MEIOC: variants seen among roughly 807,000 people sequenced by gnomAD.
MEIOC encodes meiosis-specific coiled-coil domain-containing protein MEIOC.
Under a neutral mutation model 85.3 loss-of-function variants are expected in MEIOC, and 9 were observed. That is an observed-to-expected ratio of 0.11 (90% confidence interval 0.06 to 0.18). The LOEUF (loss-of-function observed/expected upper bound fraction) is 0.18, where lower values mean the gene tolerates loss of function less well. Among genes scored for constraint, MEIOC ranks in the 10% least tolerant of loss-of-function variants. The probability of loss-of-function intolerance (pLI) is 1.00; values close to 1 mark genes in which losing one functional copy is unlikely to be tolerated. For missense variants in MEIOC, 898 were observed against 1,129.4 expected, an observed-to-expected ratio of 0.80 and a Z score of 2.94; for synonymous variants, 365 against 393.7, an observed-to-expected ratio of 0.93 and a Z score of 0.86.
At position 44,656,610 on chromosome 17, in the gene MEIOC, C is replaced by A; in HGVS notation, c.-4C>A. 1.4e-6 allele frequency: 2 copies of A among 1,475,176 alleles called. No homozygotes were observed. The highest frequency in any genetic ancestry group is 1.3e-5 in the South Asian group (1 of 76,068). 91.4% of individuals were successfully genotyped at this position (1,475,176 alleles called of 1,614,324 possible). ...CTAGTCCAGGAGAGGCTGGGGGGCGCCCCATGGAGGTGAGACGCGGAGACA... is the reference window on the plus strand; with the variant it reads ...CTAGTCCAGGAGAGGCTGGGGGGCGACCCATGGAGGTGAGACGCGGAGACA... On this transcript the variant is annotated 5_prime_UTR_variant, in exon 1 of 8. Coordinates refer to ENST00000409122, the MANE Select transcript of MEIOC (RefSeq NM_001145080.3).
In MEIOC at chr17:44,674,001, T is replaced by G. The variant is rs1429607380; in HGVS notation, c.2664T>G (p.Ile888Met). 3 of 1,551,534 alleles carry G rather than the reference T, an allele frequency of 1.9e-6. No individual in the cohort carries two copies. The highest frequency in any genetic ancestry group is 2.6e-6 in the Non-Finnish European group (3 of 1,146,894). ...ATGTTTTTGCCCTTGCTTCTGCAAT[T>G]AAAGAGATGTGTGTGGCTACTCGGA... Reference protein sequence around the residue: ...DRDVFALASAIKEMCVATRKT... With the variant: ...DRDVFALASAMKEMCVATRKT... The change falls in exon 8 of 8, where the codon ATT becomes ATG. Residue 888 changes from isoleucine (I) to methionine (M), a missense_variant. This residue lies in a region of MEIOC where 164 missense variants were observed against 269.2 expected (regional missense o/e 0.61). Transcript: ENST00000409122.
chr17:44,665,180 G>T, intron 3 of MEIOC: 2 of 1,063,814 alleles, frequency 1.9e-6, no homozygotes, highest in Non-Finnish European at 2.3e-6. Flanking sequence ...TGAAATGAAG[G>T]AGAAATATTT....
Position 44,662,423 on chromosome 17 carries a change from G to A in MEIOC, c.311G>A (p.Gly104Glu). 1 of 1,548,598 alleles carries A rather than the reference G, an allele frequency of 6.5e-7. No homozygotes were observed. ...SLFCAPWSTY[G>E]DDIKQPSNSQ... ...TTCTGTGCACCATGGTCTACTTATG[G>A]AGATGACATTAAACAACCTTCTAAT... Residue 104 changes from glycine (G) to glutamate (E), a missense_variant, in exon 3 of 8, where the codon GGA becomes GAA. This residue lies in a region of MEIOC where 734 missense variants were observed against 860.1 expected (regional missense o/e 0.85). Transcript: ENST00000409122.
At position 44,675,610 on chromosome 17, in the gene MEIOC, T is replaced by C; in HGVS notation, c.*1414T>C. On this transcript the variant is annotated 3_prime_UTR_variant, in exon 8 of 8. Coordinates refer to ENST00000409122, the MANE Select transcript of MEIOC (RefSeq NM_001145080.3). ...GCAAGAGTAACTGTAGGGAGAAACA[T>C]TTTGATCACTGATATGCCTTAGAAC... The C allele has an allele frequency of 2.0e-6, 2 of 984,566 alleles. No homozygotes were observed. Among genetic ancestry groups the C allele is most frequent in the Non-Finnish European group, 1.2e-6 (1 of 829,212 alleles). 61.0% of individuals were successfully genotyped at this position (984,566 alleles called of 1,614,324 possible).
chr17:44,663,122 A>C (rs1971861385), intron 3 of MEIOC, among the ~76,000 whole-genome samples: 1 of 152,226 alleles, frequency 6.6e-6, no homozygotes, highest in Admixed American at 6.5e-5. Context: ...ACTCTACAAC[A>C]AACAGGGTTT....
intron 2 of MEIOC, among the ~76,000 whole-genome samples, chr17:44,658,802 AAAAAAAG>A (rs1294263830): frequency 2.7e-4 from 41 of 151,828 alleles, no homozygotes; most frequent in African/African-American, 6.0e-4. Context: ...CAAAAAAAAA[AAAAAAAG>A]AAAAAAGAAA....
Position 44,667,418 on chromosome 17 carries a change from C to T in MEIOC, c.1507C>T (p.His503Tyr). Residue 503 changes from histidine to tyrosine, a missense_variant, in exon 5 of 8, where the codon CAT (histidine) becomes TAT (tyrosine). By Grantham distance (83) the His-to-Tyr change is moderately conservative. This residue lies in a region of MEIOC where 734 missense variants were observed against 860.1 expected (regional missense o/e 0.85). Coordinates refer to ENST00000409122, the MANE Select transcript of MEIOC (RefSeq NM_001145080.3). ...NQGNLMKLNS[H>Y]LSAASKGSNH... is the part of the protein sequence containing the mutation. The stretch of plus-strand genomic sequence containing the variant: ...AGGTAACTTGATGAAATTAAATAGT[C>T]ATTTAAGTGCAGCTTCAAAAGGTTC... 6.2e-7 allele frequency: 1 copy of T among 1,613,270 alleles called. No homozygotes were observed. Among genetic ancestry groups the T allele is most frequent in the Non-Finnish European group, 8.5e-7 (1 of 1,179,344 alleles).
chr17:44,664,248 G>C (rs1017623204), intron 3 of MEIOC, among the ~76,000 whole-genome samples: 2 of 152,100 alleles, frequency 1.3e-5, no homozygotes, highest in African/African-American at 2.4e-5. Context: ...TGTAGTCCCA[G>C]CTACTTGGGA....
chr17:44,673,330 G>A, intron 6 of MEIOC, 36 bp from the exon 7 acceptor site: 3 of 1,482,806 alleles, frequency 2.0e-6, no homozygotes, highest in Non-Finnish European at 2.7e-6. Context: ...TTAATGGCAG[G>A]ACATGTCTTA....
At chr17:44,659,141 A>G (rs576579835) in intron 2 of MEIOC, among the ~76,000 whole-genome samples, 2 of 152,296 alleles carry the variant, frequency 1.3e-5, no homozygotes, top group Non-Finnish European at 2.9e-5. Flanking sequence ...TTTAACCAGG[A>G]CATCAATGTT....
intron 2 of MEIOC, 78 bp downstream of exon 2, chr17:44,657,339 T>A: frequency 1.5e-6 from 2 of 1,374,118 alleles, no homozygotes; most frequent in Non-Finnish European, 2.0e-6. Flanking sequence ...CATAGGTGTT[T>A]AATGGCTCCA....
At chr17:44,673,859 C>CT (rs1972041833) in intron 7 of MEIOC, 117 bp from the exon 8 acceptor site, 17 of 1,257,954 alleles carry the variant, frequency 1.4e-5, no homozygotes, top group Middle Eastern at 1.9e-4. Context: ...AATAACTATC[C>CT]TTTTTTTACA....
chr17:44,656,474 G>A lies in MEIOC; in HGVS notation c.-140G>A. On this transcript the variant is annotated 5_prime_UTR_variant, in exon 1 of 8. Transcript: ENST00000409122. ...TCGGACTTCCCTTACCCGCACACTG[G>A]CTCCAGGCAGCGCCCGGGCGGCGGA... 1 of 621,560 alleles carries A rather than the reference G, an allele frequency of 1.6e-6. No individual in the cohort carries two copies. Among genetic ancestry groups the A allele is most frequent in the Non-Finnish European group, 2.5e-6 (1 of 396,402 alleles). 38.5% of individuals were successfully genotyped at this position (621,560 alleles called of 1,614,324 possible). A position where few individuals can be genotyped will look rare whatever the true frequency, so the allele number is the denominator to read the frequency against.
At chr17:44,668,609 ATG>A (rs1341805716) in intron 5 of MEIOC, among the ~76,000 whole-genome samples, 1 of 152,128 alleles carries the variant, frequency 6.6e-6, no homozygotes, top group Non-Finnish European at 1.5e-5. Flanking sequence ...GGCATTACAG[ATG>A]TGAGCCACTG....
Position 44,666,455 on chromosome 17 carries a change from A to G in MEIOC, c.544A>G (p.Thr182Ala). Residue 182 changes from threonine (T) to alanine (A), a missense_variant, in exon 5 of 8, where the codon ACC becomes GCC. Around this residue, in one of 2 missense-constraint regions of MEIOC, gnomAD observed 734 missense variants for 860.1 expected, o/e 0.85. Coordinates refer to ENST00000409122, the MANE Select transcript of MEIOC (RefSeq NM_001145080.3). Reference sequence around the variant, plus strand: ...AGATCACCATGACCTCTTAACAGAAACCAAAAGGCCAATAGATACAGTCAT... The same window carrying G: ...AGATCACCATGACCTCTTAACAGAAGCCAAAAGGCCAATAGATACAGTCAT... ...FADHHDLLTE[T>A]KRPIDTVISQ... The G allele has an allele frequency of 6.4e-7, 1 of 1,563,010 alleles. No individual in the cohort carries two copies.
At chr17:44,673,808 T>C (rs1050751053) in intron 7 of MEIOC, 168 bp from the exon 8 acceptor site, 5 of 832,350 alleles carry the variant, frequency 6.0e-6, no homozygotes, top group Admixed American at 2.9e-5. Flanking sequence ...ATCAATACTT[T>C]TAAATATTTT....
In MEIOC at chr17:44,667,765, T is replaced by A. The variant is rs752879033; in HGVS notation, c.1854T>A (p.Asp618Glu). Reference protein sequence around the residue: ...FQAKPQSGHYDPEEGPKHLDG... With the variant: ...FQAKPQSGHYEPEEGPKHLDG... Reference sequence around the variant, plus strand: ...CCAAGCCCCAGAGTGGACATTATGATCCTGAGGAAGGTCCAAAGCATTTAG... The same window carrying A: ...CCAAGCCCCAGAGTGGACATTATGAACCTGAGGAAGGTCCAAAGCATTTAG... The change falls in exon 5 of 8, where the codon GAT (aspartate) becomes GAA (glutamate). Residue 618 changes from aspartate (D) to glutamate (E), a missense_variant. This residue lies in a region of MEIOC where 734 missense variants were observed against 860.1 expected (regional missense o/e 0.85). Coordinates refer to ENST00000409122, the MANE Select transcript of MEIOC (RefSeq NM_001145080.3). 6.2e-7 allele frequency: 1 copy of A among 1,613,856 alleles called. No homozygotes were observed.
chr17:44,662,770 G>A (rs142618667), intron 3 of MEIOC, among the ~76,000 whole-genome samples: 168 of 152,304 alleles, frequency 1.1e-3, no homozygotes, highest in African/African-American at 3.8e-3. Context: ...TCCTGCCTCA[G>A]CCTCCACAGT....
chr17:44,658,562 AGGCGGGTGGATC>A (rs1050980978), intron 2 of MEIOC, among the ~76,000 whole-genome samples: 40 of 151,806 alleles, frequency 2.6e-4, no homozygotes, highest in African/African-American at 9.4e-4. Context: ...TGGGGGGCTG[AGGCGGGTGGATC>A]ACCTGAGTTC....
Sources: gnomAD v4.1 joint callset for allele counts (sites outside exome capture counted in the v4.1 genomes callset) on GRCh38, gnomAD v4.1.1 for gene constraint, gnomAD v4.1.1 regional missense constraint, MANE v1.5 for transcripts, NCBI Gene and HGNC (gene_info 2026-07-23, HGNC 2026-07-21) for gene names.